Variants in CCN6 observed in about 807,000 individuals in gnomAD.
CCN6 encodes cellular communication network factor 6, also known as CCN family member 6.
CCN6 carries 31 observed loss-of-function variants against 37.4 expected under a neutral mutation model. That is an observed-to-expected ratio of 0.83 (90% CI 0.62 to 1.12). The LOEUF is 1.12. Ranked by LOEUF, CCN6 falls within the 50% of genes most tolerant of loss-of-function variation. The pLI is 0.00. For synonymous variants in CCN6, 137 were observed against 142.1 expected, an observed-to-expected ratio of 0.96 and a Z score of 0.26; for missense variants, 369 against 413.8, an observed-to-expected ratio of 0.89 and a Z score of 0.94.
At chr6:112,061,876 G>A (rs1184123952) in intron 2 of CCN6, among the ~76,000 whole-genome samples, 1 of 152,160 alleles carries the variant, frequency 6.6e-6, no homozygotes, top group Non-Finnish European at 1.5e-5. Context: ...CTAATTCAGG[G>A]TGCCAAATTA....
Position 112,069,423 on chromosome 6 carries a change from A to C in CCN6, c.868A>C (p.Ser290Arg), listed in dbSNP as rs1554314732. The C allele has an allele frequency of 1.2e-6, 2 of 1,613,620 alleles. No individual in the cohort carries two copies. The highest frequency in any genetic ancestry group is 2.7e-5 in the African/African-American group (2 of 74,916). ...FVFSGCSSTQ[S>R]YKPTFCGICL... ...CTTTTCTGGATGCTCAAGTACTCAG[A>C]GTTACAAACCCACTTTTTGTGGAAT... is the stretch of plus-strand genomic sequence containing the variant. Residue 290 changes from serine to arginine, a missense_variant, in exon 5 of 5, where the codon AGT becomes CGT. Coordinates refer to ENST00000368666, the MANE Select transcript of CCN6 (RefSeq NM_198239.2).
intron 3 of CCN6, among the ~76,000 whole-genome samples, chr6:112,065,609 C>CGCACACACACACAAACACACAT (rs1776665002): frequency 9.4e-6 from 1 of 106,484 alleles, no homozygotes; most frequent in Non-Finnish European, 2.0e-5. Flanking sequence ...CAAACACACA[C>CGCACACACACACAAACACACAT]GCACACACAC....
intron 1 of CCN6, 48 bp downstream of exon 1, chr6:112,054,453 C>T (rs1776285291): frequency 1.3e-6 from 2 of 1,583,260 alleles, no homozygotes; most frequent in African/African-American, 1.3e-5. Flanking sequence ...TATGGCCATC[C>T]TTAGTTCTTC....
intron 1 of CCN6, among the ~76,000 whole-genome samples, chr6:112,056,355 A>G (rs1436753537): frequency 6.6e-6 from 1 of 152,094 alleles, no homozygotes; most frequent in African/African-American, 2.4e-5. Flanking sequence ...TGGCTATATA[A>G]TTCTGGATTG....
In CCN6 at chr6:112,068,415, TTTAAC is replaced by T. The variant is rs782066999; in HGVS notation, c.783+22_783+26del. 1.5e-5 allele frequency: 24 copies of T among 1,584,764 alleles called. No homozygotes were observed. Among genetic ancestry groups the T allele is most frequent in the Non-Finnish European group, 2.0e-5 (23 of 1,163,244 alleles). On this transcript the variant is annotated intron_variant, in intron 4 of 4. Coordinates refer to ENST00000368666, the MANE Select transcript of CCN6 (RefSeq NM_198239.2). ...ACAATAAAGGTAAAGTTTAAATATATTTAACTTAATTCAATATTAAGAGATTCCTG... is the reference window on the plus strand; with the variant it reads ...ACAATAAAGGTAAAGTTTAAATATATTTAATTCAATATTAAGAGATTCCTG...
At chr6:112,055,835 C>G (rs1474870007) in intron 1 of CCN6, among the ~76,000 whole-genome samples, 3 of 152,192 alleles carry the variant, frequency 2.0e-5, no homozygotes, top group Admixed American at 1.3e-4. Flanking sequence ...AGTGATCCGC[C>G]CACCTCGGCC....
intron 3 of CCN6, among the ~76,000 whole-genome samples, chr6:112,066,724 T>TA (rs1776706579): frequency 6.6e-6 from 1 of 152,226 alleles, no homozygotes; most frequent in African/African-American, 2.4e-5. Flanking sequence ...CAGTAATTTA[T>TA]AGTCTATGGT....
rs1404734576 is a variant in CCN6 at position 112,069,647 on chromosome 6, T to A, written c.*27T>A. The A allele has an allele frequency of 6.2e-7, 1 of 1,612,714 alleles. No individual in the cohort carries two copies. Among genetic ancestry groups the A allele is most frequent in the East Asian group, 2.2e-5 (1 of 44,806 alleles). ...ACCAAGCAAATGGGGGAAAAGTTAG[T>A]CAATCCTGTCATATAATAAAAAAAT... On this transcript the variant is annotated 3_prime_UTR_variant, in exon 5 of 5. Coordinates refer to ENST00000368666, the MANE Select transcript of CCN6 (RefSeq NM_198239.2).
intron 3 of CCN6, 28 bp from the exon 4 acceptor site, chr6:112,068,177 C>A: frequency 2.6e-6 from 4 of 1,543,792 alleles, no homozygotes; most frequent in Non-Finnish European, 3.6e-6. Flanking sequence ...TATATGTATA[C>A]ATATGTACTT....
chr6:112,069,084 T>C (rs1026998372), intron 4 of CCN6, among the ~76,000 whole-genome samples: 2 of 152,168 alleles, frequency 1.3e-5, no homozygotes, highest in Non-Finnish European at 2.9e-5. Context: ...GAAATTTCTA[T>C]TTATTGTAAA....
At chr6:112,063,279 T>C (rs1044401723) in intron 2 of CCN6, among the ~76,000 whole-genome samples, 1 of 152,222 alleles carries the variant, frequency 6.6e-6, no homozygotes, top group Non-Finnish European at 1.5e-5. Flanking sequence ...TTTATGTTTA[T>C]TGATATTATA....
chr6:112,058,013 A>G (rs1776398250), intron 1 of CCN6, among the ~76,000 whole-genome samples: 1 of 152,222 alleles, frequency 6.6e-6, no homozygotes, highest in African/African-American at 2.4e-5. Flanking sequence ...TGAACCTGGC[A>G]TCCTGAATCA....
chr6:112,061,438 A>G (rs968248368), intron 2 of CCN6, 150 bp downstream of exon 2: 5 of 913,106 alleles, frequency 5.5e-6, no homozygotes, highest in Non-Finnish European at 8.7e-6. Context: ...GCTCCATTGT[A>G]TTGGATACTA....
chr6:112,067,676 T>C (rs587683788), intron 3 of CCN6, among the ~76,000 whole-genome samples: 34 of 152,286 alleles, frequency 2.2e-4, no homozygotes, highest in Non-Finnish European at 4.1e-4. Flanking sequence ...GTAGTATTAA[T>C]TAGACAGTTT....
At chr6:112,062,349 A>T (rs1364404096) in intron 2 of CCN6, among the ~76,000 whole-genome samples, 2 of 152,244 alleles carry the variant, frequency 1.3e-5, no homozygotes, top group Non-Finnish European at 2.9e-5. Context: ...ACAAAGTGGC[A>T]TTCAGGACAC....
At position 112,054,353 on chromosome 6, in the gene CCN6, G is replaced by C. The variant is rs377380087; in HGVS notation, c.-5G>C. 3 of 1,613,782 alleles carry C rather than the reference G, an allele frequency of 1.9e-6. No individual in the cohort carries two copies. Among genetic ancestry groups the C allele is most frequent in the Non-Finnish European group, 2.5e-6 (3 of 1,180,012 alleles). On this transcript the variant is annotated 5_prime_UTR_variant, in exon 1 of 5. Coordinates refer to ENST00000368666, the MANE Select transcript of CCN6 (RefSeq NM_198239.2). ...CCCTCAGGGTGGCTCCACGGTCCCA[G>C]CGACATGCAGGGGCTCCTCTTCTCC...
At chr6:112,060,023 C>T (rs1554312466) in intron 1 of CCN6, 2 of 1,365,946 alleles carry the variant, frequency 1.5e-6, no homozygotes, top group Admixed American at 3.8e-5. Context: ...ATGAAGATAT[C>T]TAGGGGCAGA....
chr6:112,066,479 G>A (rs1776699177), intron 3 of CCN6, among the ~76,000 whole-genome samples: 1 of 152,102 alleles, frequency 6.6e-6, no homozygotes, highest in Non-Finnish European at 1.5e-5. Flanking sequence ...GGTTGGGAGA[G>A]GCATCAGATA....
chr6:112,059,705 C>T (rs1182067849), intron 1 of CCN6, among the ~76,000 whole-genome samples: 1 of 152,212 alleles, frequency 6.6e-6, no homozygotes, highest in East Asian at 1.9e-4. Context: ...GGACCACTAT[C>T]TGCCTATCAC....
Sources: gnomAD v4.1 joint callset for allele counts (sites outside exome capture counted in the v4.1 genomes callset) on GRCh38, gnomAD v4.1.1 for gene constraint, MANE v1.5 for transcripts, NCBI Gene and HGNC (gene_info 2026-07-23, HGNC 2026-07-21) for gene names.